Variants in SMCHD1 observed in about 807,000 individuals in gnomAD.
SMCHD1 encodes structural maintenance of chromosomes flexible hinge domain-containing protein 1.
Under a neutral mutation model 254.7 loss-of-function variants are expected in SMCHD1, and 78 were observed. That is an observed-to-expected ratio of 0.31 (90% CI 0.26 to 0.37). The LOEUF (loss-of-function observed/expected upper bound fraction) is 0.37, where lower values mean the gene tolerates loss of function less well. Ranked by LOEUF, SMCHD1 falls within the 10% of genes least tolerant of loss-of-function variation. The pLI is 1.00. For synonymous variants in SMCHD1, 766 were observed against 794.9 expected (o/e 0.96, Z 0.61); for missense variants, 1,840 against 2,408.1 (o/e 0.76, Z 4.94).
chr18:2,743,523 A>T (rs568345943), intron 28 of SMCHD1, among the ~76,000 whole-genome samples: 131 of 152,326 alleles, frequency 8.6e-4, no homozygotes, highest in African/African-American at 3.0e-3. Context: ...AAGATAAAAT[A>T]AAGAGACATT....
At chr18:2,662,221 AAAG>A (rs2073302808) in intron 1 of SMCHD1, among the ~76,000 whole-genome samples, 1 of 140,402 alleles carries the variant, frequency 7.1e-6, no homozygotes, top group African/African-American at 2.6e-5. Flanking sequence ...AGAAAGAAAG[AAAG>A]AAAAAATAAT....
At chr18:2,678,281 C>CTCTCTT (rs2073815953) in intron 5 of SMCHD1, among the ~76,000 whole-genome samples, 3 of 95,146 alleles carry the variant, frequency 3.2e-5, no homozygotes, top group African/African-American at 7.0e-5. Context: ...CTCCCTCTCT[C>CTCTCTT]TCTTTCTTTC....
At chr18:2,708,423 C>T (rs1401535428) in intron 17 of SMCHD1, among the ~76,000 whole-genome samples, 4 of 152,008 alleles carry the variant, frequency 2.6e-5, no homozygotes, top group African/African-American at 9.7e-5. Flanking sequence ...CCCAGCTACT[C>T]GGAAGGCTGA....
chr18:2,689,165 G>A (rs1371775479), intron 7 of SMCHD1, among the ~76,000 whole-genome samples: 1 of 151,278 alleles, frequency 6.6e-6, no homozygotes, highest in Non-Finnish European at 1.5e-5. Context: ...CAAGTAAATG[G>A]TATATTTATT....
At chr18:2,784,391 C>CT in intron 44 of SMCHD1, 59 bp from the exon 45 acceptor site, 3 of 1,378,674 alleles carry the variant, frequency 2.2e-6, no homozygotes, top group South Asian at 1.4e-5. Flanking sequence ...ATTATTTCTC[C>CT]TTTTTTGGAG....
At chr18:2,772,186 C>T in intron 40 of SMCHD1, 64 bp from the exon 41 acceptor site, 1 of 1,344,804 alleles carries the variant, frequency 7.4e-7, no homozygotes, top group South Asian at 2.0e-5. Flanking sequence ...TCTCCACTGT[C>T]ATTATGGGCT....
chr18:2,728,868 A>C (rs1381298110), intron 23 of SMCHD1: 1 of 294,552 alleles, frequency 3.4e-6, no homozygotes, highest in Non-Finnish European at 6.2e-6. Context: ...ATATATATGA[A>C]TAGAAAGACA....
At chr18:2,713,703 T>A (rs1295519330) in intron 17 of SMCHD1, among the ~76,000 whole-genome samples, 1 of 152,192 alleles carries the variant, frequency 6.6e-6, no homozygotes, top group African/African-American at 2.4e-5. Context: ...ATATGTATTT[T>A]AAATTTTCAT....
chr18:2,763,794 A>G lies in SMCHD1; in HGVS notation c.4719+5A>G. On this transcript the variant is annotated splice_donor_5th_base_variant and intron_variant, in intron 37 of 47. Coordinates refer to ENST00000320876, the MANE Select transcript of SMCHD1 (RefSeq NM_015295.3). ...AATGGTTCGGCTGAAATCATGGTAA[A>G]TTTTTTATATCTTTTGGTAGATAGA... The G allele has an allele frequency of 6.2e-7, 1 of 1,603,358 alleles. No individual in the cohort carries two copies. Among genetic ancestry groups the G allele is most frequent in the Non-Finnish European group, 8.5e-7 (1 of 1,176,214 alleles).
intron 40 of SMCHD1, 109 bp from the exon 41 acceptor site, chr18:2,772,141 C>A: frequency 2.2e-6 from 2 of 914,378 alleles, no homozygotes; most frequent in Non-Finnish European, 2.9e-6. Flanking sequence ...TACTTACCAA[C>A]TTTATATTCT....
chr18:2,771,634 A>G lies in SMCHD1; in HGVS notation c.5052+16A>G, dbSNP rs769008837. The G allele has an allele frequency of 4.0e-6, 6 of 1,489,288 alleles. No homozygotes were observed. Among genetic ancestry groups the G allele is most frequent in the Admixed American group, 5.5e-5 (2 of 36,358 alleles). The allele number at this position is 1,489,288 out of a possible 1,614,324, so 92.3% of individuals were successfully genotyped here. A position where few individuals can be genotyped will look rare whatever the true frequency, so the allele number is the denominator to read the frequency against. Reference sequence around the variant, plus strand: ...AACACAACAGGTACAGCTTCCAACTATACGTGAAAGATTTTTTATTAAAGT... The same window carrying G: ...AACACAACAGGTACAGCTTCCAACTGTACGTGAAAGATTTTTTATTAAAGT... On this transcript the variant is annotated intron_variant, in intron 40 of 47. Coordinates refer to ENST00000320876, the MANE Select transcript of SMCHD1 (RefSeq NM_015295.3).
intron 5 of SMCHD1, among the ~76,000 whole-genome samples, chr18:2,687,563 CT>C (rs1430360317): frequency 7.2e-5 from 11 of 151,908 alleles, no homozygotes; most frequent in African/African-American, 2.4e-5. Flanking sequence ...TGTTTGGGCT[CT>C]TTTGGTTTTC....
chr18:2,705,330 C>G (rs2074489009), intron 13 of SMCHD1, among the ~76,000 whole-genome samples: 1 of 151,984 alleles, frequency 6.6e-6, no homozygotes, highest in Admixed American at 6.6e-5. Context: ...ATTAACTTGT[C>G]AAAGTTTATA....
chr18:2,666,211 G>T lies in SMCHD1; in HGVS notation c.241G>T (p.Glu81Ter). The change falls in exon 2 of 48, where the codon GAA (glutamate) becomes TAA (stop). Residue 81 changes from glutamate (E) to a stop codon, truncating the protein, a stop_gained. Coordinates refer to ENST00000320876, the MANE Select transcript of SMCHD1 (RefSeq NM_015295.3). LOFTEE classifies it high-confidence loss of function. ...TGTTATTACAACAACAAGTAGGAAA[G>T]AAATTACCTGTGATAATTTTGGTAG... ...KFVITTTSRK[E>*]ITCDNFDETV... The T allele has an allele frequency of 1.3e-6, 2 of 1,543,462 alleles. No individual in the cohort carries two copies. Among genetic ancestry groups the T allele is most frequent in the Non-Finnish European group, 1.8e-6 (2 of 1,123,108 alleles).
rs2143736115 is a variant in SMCHD1 at position 2,769,993 on chromosome 18, T to G, written c.4851T>G (p.Val1617=). Residue 1617 remains valine (V), a synonymous_variant, in exon 39 of 48, where the codon GTT becomes GTG. Coordinates refer to ENST00000320876, the MANE Select transcript of SMCHD1 (RefSeq NM_015295.3). ...YILPFMFYND[V]KKQQQMAALT... ...TATCTCAATTTTTTTTCTTAGATGT[T>G]AAGAAGCAGCAACAAATGGCAGCAC... is the stretch of plus-strand genomic sequence containing the variant. The G allele has an allele frequency of 6.3e-7, 1 of 1,585,292 alleles. No homozygotes were observed. Among genetic ancestry groups the G allele is most frequent in the Non-Finnish European group, 8.5e-7 (1 of 1,172,014 alleles).
chr18:2,745,185 T>TTTTATTTTAAAAAATTAAAAAA (rs74556033), intron 29 of SMCHD1, among the ~76,000 whole-genome samples: 45,151 of 113,780 alleles, frequency 0.4, 6,937 homozygotes, highest in East Asian at 0.62. Flanking sequence ...TTGAAACAAG[T>TTTTATTTTAAAAAATTAAAAAA]TTTATTTATT....
chr18:2,660,120 T>TA (rs1321834261), intron 1 of SMCHD1, among the ~76,000 whole-genome samples: 1 of 152,086 alleles, frequency 6.6e-6, no homozygotes, highest in Non-Finnish European at 1.5e-5. Flanking sequence ...GGTCAGGAGT[T>TA]AGAGATCAGC....
intron 8 of SMCHD1, 128 bp downstream of exon 8, chr18:2,694,821 A>C (rs2074253079): frequency 1.4e-6 from 1 of 715,508 alleles, no homozygotes; most frequent in Non-Finnish European, 2.3e-6. Context: ...CTTTAGTATT[A>C]TCCAGTACTC....
chr18:2,690,919 A>G (rs982664526), intron 7 of SMCHD1, among the ~76,000 whole-genome samples: 2 of 150,778 alleles, frequency 1.3e-5, no homozygotes, highest in Non-Finnish European at 3.0e-5. Context: ...AAAGAATGAG[A>G]AGGGGAGAGG....
Sources: gnomAD v4.1 joint callset for allele counts (sites outside exome capture counted in the v4.1 genomes callset) on GRCh38, gnomAD v4.1.1 for gene constraint, MANE v1.5 for transcripts, NCBI Gene and HGNC (gene_info 2026-07-23, HGNC 2026-07-21) for gene names.